The following EVC variants were observed in gnomAD, a reference collection of about 807,000 sequenced individuals.
EVC encodes the protein evC complex member EVC.
A neutral mutation model predicts 118.9 loss-of-function variants in EVC; 116 were observed. The observed-to-expected ratio is 0.98, with a 90% CI of 0.84 to 1.14. EVC has a LOEUF of 1.14. EVC is among the 50% of genes most tolerant of loss of function. The probability of loss-of-function intolerance (pLI) is 0.00; values close to 1 mark genes in which losing one functional copy is unlikely to be tolerated. For synonymous variants in EVC, 619 were observed against 534.7 expected, an observed-to-expected ratio of 1.16 and a Z score of -2.18; for missense variants, 1,401 against 1,246.4, an observed-to-expected ratio of 1.12 and a Z score of -1.87.
intron 11 of EVC, among the ~76,000 whole-genome samples, chr4:5,758,957 T>A (rs1416406725): frequency 6.6e-6 from 1 of 152,104 alleles, no homozygotes; most frequent in Non-Finnish European, 1.5e-5. Flanking sequence ...GGGAGATGAT[T>A]CAGAGCAGAT....
At chr4:5,773,222 T>C (rs1235917665) in intron 11 of EVC, among the ~76,000 whole-genome samples, 1 of 152,162 alleles carries the variant, frequency 6.6e-6, no homozygotes, top group Non-Finnish European at 1.5e-5. Context: ...GCTGTCCAGG[T>C]AACTATGATC....
intron 15 of EVC, among the ~76,000 whole-genome samples, chr4:5,801,291 G>T (rs1714922675): frequency 6.6e-6 from 1 of 152,294 alleles, no homozygotes; most frequent in South Asian, 2.1e-4. Flanking sequence ...GTCTTAAAAT[G>T]GCCACTGTCA....
At position 5,734,471 on chromosome 4, in the gene EVC, C is replaced by G. The variant is rs890835886; in HGVS notation, c.702+1036C>G. ...CCTGGGCAACATGGCAAAACCCTAT[C>G]TCTACCAAAAACAAAAACAAACAAA... On this transcript the variant is annotated intron_variant, in intron 5 of 20. Transcript: ENST00000264956. Among the ~76,000 whole-genome samples, 8 of 151,978 alleles carry G rather than the reference C, an allele frequency of 5.3e-5. 1 individual carries two copies. In the South Asian group the frequency reaches 1.7e-3, roughly 32 times the overall value.
Position 5,731,668 on chromosome 4 carries a change from C to T in EVC, c.617+11C>T, listed in dbSNP as rs768822490. 1.7e-5 allele frequency: 27 copies of T among 1,610,342 alleles called. No individual in the cohort carries two copies. The highest frequency in any genetic ancestry group is 6.7e-5 in the East Asian group (3 of 44,762). ...GCTGGCCTGCGAGAGGTAAGGAGAG[C>T]GGGCAATGGAGGATGAGGCTTCCAG... On this transcript the variant is annotated intron_variant, in intron 4 of 20. Coordinates refer to ENST00000264956, the MANE Select transcript of EVC (RefSeq NM_153717.3). The surrounding 1 kb of genome is among the most constrained non-coding windows in gnomAD (Gnocchi z 5.6).
the EVC span, among the ~76,000 whole-genome samples, chr4:5,823,911 C>T: frequency 6.6e-6 from 1 of 152,178 alleles, no homozygotes; most frequent in Non-Finnish European, 1.5e-5. Context: ...TTAAAAAGGG[C>T]ATCTGTGAGG....
intron 20 of EVC, among the ~76,000 whole-genome samples, chr4:5,810,678 G>A (rs1223170896): frequency 6.6e-6 from 1 of 152,154 alleles, no homozygotes; most frequent in Non-Finnish European, 1.5e-5. Flanking sequence ...TTGGCCAGAT[G>A]AGCCTTGACC....
intron 8 of EVC, among the ~76,000 whole-genome samples, chr4:5,748,933 A>T (rs922804500): frequency 9.3e-6 from 1 of 107,654 alleles, no homozygotes; most frequent in African/African-American, 2.7e-5. Context: ...TGGGCCCCAG[A>T]TGGGTCTCCA....
At chr4:5,769,156 G>A (rs1290671654) in intron 11 of EVC, among the ~76,000 whole-genome samples, 3 of 53,934 alleles carry the variant, frequency 5.6e-5, no homozygotes, top group African/African-American at 1.5e-4. Flanking sequence ...AGTTCCACGT[G>A]GCTGGGGAGG....
At chr4:5,800,730 G>C (rs901502194) in intron 15 of EVC, among the ~76,000 whole-genome samples, 1 of 152,198 alleles carries the variant, frequency 6.6e-6, no homozygotes, top group Admixed American at 6.5e-5. Flanking sequence ...CTTTGCAGAT[G>C]GGGCAGAGGA....
At chr4:5,753,194 TGG>T (rs1205295497) in intron 9 of EVC, 142 bp downstream of exon 9, 6 of 802,196 alleles carry the variant, frequency 7.5e-6, no homozygotes, top group Admixed American at 4.1e-5. Flanking sequence ...CCCTAGGGAC[TGG>T]GTCACTGGGC....
intron 11 of EVC, among the ~76,000 whole-genome samples, chr4:5,776,699 G>A (rs536552894): frequency 5.9e-5 from 9 of 152,110 alleles, no homozygotes; most frequent in Non-Finnish European, 1.2e-4. Context: ...CCATCCTTTA[G>A]TCTCTCCTTG....
downstream of EVC, among the ~76,000 whole-genome samples, chr4:5,814,681 C>G (rs1350364468): frequency 6.6e-6 from 1 of 152,168 alleles, no homozygotes; most frequent in African/African-American, 2.4e-5. Context: ...TCCCTGTCTT[C>G]TCTCATGGCC....
At chr4:5,787,007 G>A (rs10007573) in intron 12 of EVC, among the ~76,000 whole-genome samples, 10,582 of 152,212 alleles carry the variant, frequency 0.07, 543 homozygotes, top group South Asian at 0.14. Flanking sequence ...CACCAGCGAA[G>A]CTATTCATGG....
At chr4:5,764,302 G>A (rs1030540850) in intron 11 of EVC, among the ~76,000 whole-genome samples, 2 of 137,496 alleles carry the variant, frequency 1.5e-5, no homozygotes, top group Non-Finnish European at 3.2e-5. Context: ...GATTCGGTTT[G>A]CCAGTATTTT....
In EVC at chr4:5,711,270, G is replaced by A; in HGVS notation, c.-111G>A. On this transcript the variant is annotated 5_prime_UTR_variant, in exon 1 of 21. Coordinates refer to ENST00000264956, the MANE Select transcript of EVC (RefSeq NM_153717.3). ...GACTGCACAGGCCAGAAAGTCTGCG[G>A]AGCGGGCCGCGCCCCTGGCCCGCCC... 1 of 703,044 alleles carries A rather than the reference G, an allele frequency of 1.4e-6. No individual in the cohort carries two copies. The allele number at this position is 703,044 out of a possible 1,614,324, so 43.6% of individuals were successfully genotyped here. A position where few individuals can be genotyped will look rare whatever the true frequency, so the allele number is the denominator to read the frequency against.
the EVC span, among the ~76,000 whole-genome samples, chr4:5,822,914 C>T: frequency 2.6e-5 from 4 of 152,230 alleles, no homozygotes; most frequent in African/African-American, 9.6e-5. Flanking sequence ...CAAGCACCAT[C>T]CTATAAAATC....
At chr4:5,828,624 G>A in the EVC span, 1 of 1,614,212 alleles carries the variant, frequency 6.2e-7, no homozygotes, top group East Asian at 2.2e-5. Flanking sequence ...CCACTAGTGG[G>A]GAGCCGTGGC....
At chr4:5,779,157 G>T (rs1735200207) in intron 11 of EVC, among the ~76,000 whole-genome samples, 1 of 150,918 alleles carries the variant, frequency 6.6e-6, no homozygotes, top group Non-Finnish European at 1.5e-5. Context: ...TTGTAGATAT[G>T]CGGCATTATT....
At chr4:5,768,843 A>G (rs1434781472) in intron 11 of EVC, among the ~76,000 whole-genome samples, 1 of 61,546 alleles carries the variant, frequency 1.6e-5, no homozygotes, top group African/African-American at 5.4e-5. Context: ...GTGACAGAGC[A>G]AAACTCTGTC....
Sources: allele counts gnomAD v4.1 joint callset (sites outside exome capture counted in the v4.1 genomes callset), GRCh38; gene constraint gnomAD v4.1.1; non-coding constraint Gnocchi (gnomAD v3.1); transcripts MANE v1.5; gene names NCBI Gene and HGNC (gene_info 2026-07-23, HGNC 2026-07-21).